Variants in FBXL13 observed in about 807,000 individuals in gnomAD.
FBXL13 encodes the protein F-box and leucine rich repeat protein 13, also known as F-box and leucine-rich repeat protein 13.
A neutral mutation model predicts 83.6 loss-of-function variants in FBXL13; 67 were observed. The observed-to-expected ratio is 0.80, with a 90% confidence interval of 0.66 to 0.98. The LOEUF is 0.98. Among genes scored for constraint, FBXL13 ranks in the 50% least tolerant of loss-of-function variants. FBXL13 has a pLI of 0.00. For synonymous variants in FBXL13, 272 were observed against 299.5 expected, an observed-to-expected ratio of 0.91 and a Z score of 0.95; for missense variants, 822 against 866.5, an observed-to-expected ratio of 0.95 and a Z score of 0.64.
chr7:102,820,612 T>C (rs961116367), intron 19 of FBXL13, among the ~76,000 whole-genome samples: 3 of 152,208 alleles, frequency 2.0e-5, no homozygotes, highest in African/African-American at 7.2e-5. Context: ...CTTGGTCCAT[T>C]TTGTGTTGCC....
At chr7:103,046,627 TA>T (rs1454052463) in intron 2 of FBXL13, among the ~76,000 whole-genome samples, 2 of 152,202 alleles carry the variant, frequency 1.3e-5, no homozygotes, top group African/African-American at 4.8e-5. Flanking sequence ...AAGTATACCC[TA>T]TAAGTGCACA....
At chr7:103,022,829 C>T (rs889106357) in intron 6 of FBXL13, among the ~76,000 whole-genome samples, 1 of 152,058 alleles carries the variant, frequency 6.6e-6, no homozygotes, top group Non-Finnish European at 1.5e-5. Context: ...CAAATGGGGC[C>T]TAATTAAACA....
At chr7:102,998,234 C>G (rs1160798226) in intron 6 of FBXL13, among the ~76,000 whole-genome samples, 1 of 152,134 alleles carries the variant, frequency 6.6e-6, no homozygotes, top group African/African-American at 2.4e-5. Flanking sequence ...ATTTCAAAAT[C>G]AAATTATTTG....
chr7:103,041,760 C>CA (rs1435688367), intron 2 of FBXL13, among the ~76,000 whole-genome samples: 15 of 152,076 alleles, frequency 9.9e-5, no homozygotes, highest in Non-Finnish European at 2.1e-4. Context: ...AGACCTTTGA[C>CA]AAAATTCAAC....
chr7:102,883,753 C>T lies in FBXL13; in HGVS notation c.1108-68G>A, dbSNP rs186172260. ...CAGGTTTAGCAAGGTAATGAAGTCA[C>T]TTTTTCCTTCAATATATTAGAGACA... On this transcript the variant is annotated intron_variant, in intron 12 of 19. Transcript: ENST00000313221. The T allele has an allele frequency of 9.2e-4, 855 of 925,900 alleles. 5 individuals are homozygous for T. In the African/African-American group the frequency reaches 0.013, roughly 15 times the overall value. 57.4% of individuals were successfully genotyped at this position (925,900 alleles called of 1,614,324 possible).
chr7:102,990,707 A>T (rs757091282), intron 6 of FBXL13, among the ~76,000 whole-genome samples: 1 of 152,188 alleles, frequency 6.6e-6, no homozygotes, highest in Non-Finnish European at 1.5e-5. Context: ...AAGAGATGAC[A>T]TCTGAGCTGA....
chr7:102,987,767 T>C (rs183800593), intron 6 of FBXL13, among the ~76,000 whole-genome samples: 3 of 152,234 alleles, frequency 2.0e-5, no homozygotes, highest in Non-Finnish European at 2.9e-5. Flanking sequence ...CTAATTTGGA[T>C]GACAAGTGAT....
At chr7:103,006,802 G>T (rs530505009) in intron 6 of FBXL13, among the ~76,000 whole-genome samples, 1 of 152,010 alleles carries the variant, frequency 6.6e-6, no homozygotes, top group Non-Finnish European at 1.5e-5. Flanking sequence ...AAGGATAACA[G>T]AACTAGTAAA....
chr7:102,853,193 A>T (rs1407787619), intron 17 of FBXL13, among the ~76,000 whole-genome samples: 1 of 152,128 alleles, frequency 6.6e-6, no homozygotes, highest in African/African-American at 2.4e-5. Context: ...GAAGTGAGTG[A>T]GGAATAAAAG....
At chr7:102,862,085 C>A (rs1806940352) in intron 16 of FBXL13, among the ~76,000 whole-genome samples, 1 of 151,828 alleles carries the variant, frequency 6.6e-6, no homozygotes, top group African/African-American at 2.4e-5. Flanking sequence ...TGGCTCACGC[C>A]TGTAATCCCA....
intron 17 of FBXL13, among the ~76,000 whole-genome samples, chr7:102,837,997 G>A (rs936007659): frequency 2.0e-5 from 3 of 152,202 alleles, no homozygotes; most frequent in Admixed American, 1.3e-4. Context: ...TATCCAAAAT[G>A]AATGAAGAAT....
intron 11 of FBXL13, among the ~76,000 whole-genome samples, chr7:102,909,408 G>T (rs1814292105): frequency 6.6e-6 from 1 of 152,102 alleles, no homozygotes; most frequent in South Asian, 2.1e-4. Flanking sequence ...GGCCGTGCTG[G>T]TATCTAAGGT....
At chr7:103,068,718 G>A (rs1010202762) in intron 1 of FBXL13, among the ~76,000 whole-genome samples, 2 of 152,228 alleles carry the variant, frequency 1.3e-5, no homozygotes, top group African/African-American at 4.8e-5. Context: ...GTGGTGGCAC[G>A]GGGGTAACAT....
At chr7:103,018,706 A>G (rs750775082) in intron 6 of FBXL13, among the ~76,000 whole-genome samples, 5 of 152,200 alleles carry the variant, frequency 3.3e-5, no homozygotes, top group African/African-American at 7.2e-5. Context: ...CTTTAAACCA[A>G]CGAAGATCAA....
At chr7:102,933,864 T>C (rs1211762607) in intron 8 of FBXL13, 1 of 1,497,300 alleles carries the variant, frequency 6.7e-7, no homozygotes, top group East Asian at 2.4e-5. Flanking sequence ...AGGAATACTT[T>C]CATTGTTCCG....
At chr7:102,974,773 C>T (rs1335902226) in intron 6 of FBXL13, among the ~76,000 whole-genome samples, 1 of 152,018 alleles carries the variant, frequency 6.6e-6, no homozygotes, top group Non-Finnish European at 1.5e-5. Flanking sequence ...CCCTCTCAGC[C>T]GTCTTCTTTA....
intron 2 of FBXL13, among the ~76,000 whole-genome samples, chr7:103,047,727 C>G (rs1796416250): frequency 6.6e-6 from 1 of 152,098 alleles, no homozygotes; most frequent in Non-Finnish European, 1.5e-5. Context: ...TGGAGTCTTG[C>G]TCTGTCACCC....
intron 1 of FBXL13, among the ~76,000 whole-genome samples, chr7:103,064,496 G>T (rs1406665981): frequency 1.3e-5 from 2 of 152,208 alleles, no homozygotes; most frequent in African/African-American, 4.8e-5. Context: ...GGTAATTACA[G>T]TAATTGAGAT....
intron 16 of FBXL13, among the ~76,000 whole-genome samples, chr7:102,858,293 G>A (rs1412090240): frequency 6.6e-6 from 1 of 152,168 alleles, no homozygotes. Context: ...GTGGCAGGGA[G>A]GGAGGATGGG....
Sources: allele counts gnomAD v4.1 joint callset (sites outside exome capture counted in the v4.1 genomes callset), GRCh38; gene constraint gnomAD v4.1.1; transcripts MANE v1.5; gene names NCBI Gene and HGNC (gene_info 2026-07-23, HGNC 2026-07-21).